TENM2: variants seen among roughly 807,000 people sequenced by gnomAD.
The protein encoded by TENM2 is teneurin-2.
TENM2 carries 52 observed loss-of-function variants against 245.2 expected under a neutral mutation model. The observed-to-expected ratio is 0.21, with a 90% CI of 0.17 to 0.27. The LOEUF (loss-of-function observed/expected upper bound fraction) is 0.27. TENM2 is among the 10% of genes least tolerant of loss of function. The probability of loss-of-function intolerance (pLI) is 1.00; values close to 1 mark genes in which losing one functional copy is unlikely to be tolerated. For synonymous variants in TENM2, 1,363 were observed against 1,438.9 expected (o/e 0.95, Z 1.19); for missense variants, 3,046 against 3,666.8 (o/e 0.83, Z 4.37).
chr5:167,862,238 AGTATGTGT>A (rs1172620306), intron 2 of TENM2, among the ~76,000 whole-genome samples: 1 of 134,900 alleles, frequency 7.4e-6, no homozygotes, highest in Non-Finnish European at 1.6e-5. Context: ...GTCAATTTAG[AGTATGTGT>A]GTGTGTGTGT....
At chr5:167,158,702 A>T in the TENM2 span, among the ~76,000 whole-genome samples, 19,016 of 152,054 alleles carry the variant, frequency 0.13, 1,275 homozygotes, top group South Asian at 0.19. Flanking sequence ...TTACAAGGAT[A>T]CAAATCTTAC....
chr5:167,050,713 C>T, the TENM2 span, among the ~76,000 whole-genome samples: 2 of 152,202 alleles, frequency 1.3e-5, no homozygotes, highest in Non-Finnish European at 2.9e-5. Context: ...TTCCTCTCTC[C>T]GTCTGTCTGC....
chr5:167,252,414 G>A, the TENM2 span, among the ~76,000 whole-genome samples: 2 of 152,126 alleles, frequency 1.3e-5, no homozygotes. Flanking sequence ...GTAAGTAGGC[G>A]AATGGCTTTG....
chr5:167,274,493 A>G, the TENM2 span, among the ~76,000 whole-genome samples: 1 of 152,088 alleles, frequency 6.6e-6, no homozygotes, highest in African/African-American at 2.4e-5. Context: ...GCATGAACAT[A>G]AGTTTTCATT....
the TENM2 span, among the ~76,000 whole-genome samples, chr5:166,984,957 T>C: frequency 6.6e-6 from 1 of 152,120 alleles, no homozygotes; most frequent in Admixed American, 6.6e-5. Context: ...TAAGTAGTTT[T>C]TGGATTCCCA....
At chr5:167,029,206 C>T in the TENM2 span, among the ~76,000 whole-genome samples, 3 of 152,072 alleles carry the variant, frequency 2.0e-5, no homozygotes, top group Admixed American at 6.5e-5. Flanking sequence ...CTAAATCTCC[C>T]GTTGCATTAT....
At chr5:167,873,912 T>C (rs1773193521) in intron 2 of TENM2, among the ~76,000 whole-genome samples, 1 of 152,178 alleles carries the variant, frequency 6.6e-6, no homozygotes, top group Non-Finnish European at 1.5e-5. Context: ...TCTATTCTGT[T>C]ACTGTACAGG....
intron 1 of TENM2, among the ~76,000 whole-genome samples, chr5:167,294,877 T>C (rs957410719): frequency 6.6e-6 from 1 of 152,208 alleles, no homozygotes; most frequent in Non-Finnish European, 1.5e-5. Context: ...TGTCTATTTT[T>C]TTCTTGTGGA....
chr5:168,161,804 G>T (rs969099311), intron 12 of TENM2, among the ~76,000 whole-genome samples: 1 of 130,078 alleles, frequency 7.7e-6, no homozygotes, highest in Non-Finnish European at 1.6e-5. Context: ...GCACAGACAC[G>T]TGAGCGCATG....
intron 2 of TENM2, among the ~76,000 whole-genome samples, chr5:167,520,838 C>G (rs1366617648): frequency 6.6e-6 from 1 of 151,606 alleles, no homozygotes; most frequent in Non-Finnish European, 1.5e-5. Context: ...CTTTCACTTT[C>G]AGCTCCAATT....
chr5:167,599,930 G>C (rs1776491373), intron 2 of TENM2, among the ~76,000 whole-genome samples: 1 of 151,868 alleles, frequency 6.6e-6, no homozygotes, highest in Non-Finnish European at 1.5e-5. Context: ...CAGATCACTT[G>C]ATGTCAGGAG....
chr5:167,217,995 G>A, the TENM2 span, among the ~76,000 whole-genome samples: 1 of 151,988 alleles, frequency 6.6e-6, no homozygotes, highest in Non-Finnish European at 1.5e-5. Context: ...CAAATCAATA[G>A]TATTTAAGAG....
the TENM2 span, among the ~76,000 whole-genome samples, chr5:167,054,145 T>G: frequency 6.6e-6 from 1 of 152,316 alleles, no homozygotes; most frequent in Admixed American, 6.5e-5. Context: ...CACTGTAGTA[T>G]GTCATACAGA....
At chr5:167,677,208 A>G (rs1044059541) in intron 2 of TENM2, among the ~76,000 whole-genome samples, 2 of 152,160 alleles carry the variant, frequency 1.3e-5, no homozygotes, top group Admixed American at 1.3e-4. Flanking sequence ...CCCTAAACAC[A>G]GCTTATTTTA....
intron 5 of TENM2, among the ~76,000 whole-genome samples, chr5:168,042,218 C>G (rs749718294): frequency 2.0e-5 from 3 of 152,078 alleles, no homozygotes; most frequent in Non-Finnish European, 4.4e-5. Context: ...TCCTCCTGCT[C>G]CCTGAGCTCT....
chr5:167,188,293 A>G, the TENM2 span, among the ~76,000 whole-genome samples: 1 of 152,194 alleles, frequency 6.6e-6, no homozygotes, highest in East Asian at 1.9e-4. Context: ...CGCTAGGCCA[A>G]TGCCGTTCTT....
chr5:167,020,128 G>A, the TENM2 span, among the ~76,000 whole-genome samples: 75 of 152,166 alleles, frequency 4.9e-4, no homozygotes, highest in Admixed American at 2.4e-3. Context: ...TCACACCACC[G>A]TATATAATAC....
chr5:167,422,315 CA>C (rs1763559426), intron 2 of TENM2, among the ~76,000 whole-genome samples: 1 of 152,150 alleles, frequency 6.6e-6, no homozygotes, highest in African/African-American at 2.4e-5. Flanking sequence ...CCACAATGTG[CA>C]GTTCAACATA....
chr5:167,891,949 A>G (rs952316745), intron 3 of TENM2, among the ~76,000 whole-genome samples: 6 of 152,276 alleles, frequency 3.9e-5, no homozygotes, highest in Admixed American at 6.5e-5. Flanking sequence ...GACTTGATTG[A>G]GTTGTAGCTT....
Sources: allele counts gnomAD v4.1 joint callset (sites outside exome capture counted in the v4.1 genomes callset), GRCh38; gene constraint gnomAD v4.1.1; transcripts MANE v1.5; gene names NCBI Gene and HGNC (gene_info 2026-07-23, HGNC 2026-07-21).